The following AIMP1 variants were observed in gnomAD, a reference collection of about 807,000 sequenced individuals.
The protein encoded by AIMP1 is aminoacyl tRNA synthetase complex interacting multifunctional protein 1, also known as aminoacyl tRNA synthase complex-interacting multifunctional protein 1.
AIMP1 carries 24 observed loss-of-function variants against 33.1 expected under a neutral mutation model. The observed-to-expected ratio is 0.73, with a 90% CI of 0.53 to 1.02. The LOEUF (loss-of-function observed/expected upper bound fraction) is 1.02, where lower values mean the gene tolerates loss of function less well. AIMP1 is among the 50% of genes least tolerant of loss of function. The probability of loss-of-function intolerance (pLI) is 0.00; values close to 1 mark genes in which losing one functional copy is unlikely to be tolerated. For missense variants in AIMP1, 367 were observed against 364.8 expected (o/e 1.01, Z -0.05); for synonymous variants, 120 against 121.5 (o/e 0.99, Z 0.08).
At chr4:106,340,072 T>C (rs1450134577) in intron 6 of AIMP1, among the ~76,000 whole-genome samples, 2 of 152,078 alleles carry the variant, frequency 1.3e-5, no homozygotes, top group Non-Finnish European at 2.9e-5. Flanking sequence ...AAGGACCTGA[T>C]AAAAAGAAAA....
chr4:106,337,478 G>A (rs1769930057), intron 6 of AIMP1, among the ~76,000 whole-genome samples: 1 of 152,164 alleles, frequency 6.6e-6, no homozygotes, highest in South Asian at 2.1e-4. Context: ...TACTATATAA[G>A]ACATGCCTTT....
At position 106,328,175 on chromosome 4, in the gene AIMP1, G is replaced by A; in HGVS notation, c.323G>A (p.Gly108Asp). ...QSTAVTTVSS[G>D]TKEQIKGGTG... ...ACAGCAGTAACAACCGTATCTTCTG[G>A]TACCAAAGAACAGATAAAAGGAGGA... The change falls in exon 4 of 7, where the codon GGT (glycine) becomes GAT (aspartate). Residue 108 changes from glycine (G) to aspartate (D), a missense_variant. Physicochemically the swap from Gly to Asp is moderately conservative, Grantham distance 94 (BLOSUM62 -1). Transcript: ENST00000672341. The A allele has an allele frequency of 2.5e-6, 4 of 1,613,094 alleles. No individual in the cohort carries two copies. Among genetic ancestry groups the A allele is most frequent in the Non-Finnish European group, 3.4e-6 (4 of 1,179,478 alleles).
chr4:106,329,012 A>G (rs533588890), intron 4 of AIMP1, among the ~76,000 whole-genome samples: 2 of 151,688 alleles, frequency 1.3e-5, no homozygotes, highest in African/African-American at 4.8e-5. Context: ...AATAATTATG[A>G]ATATTTCTCA....
intron 1 of AIMP1, among the ~76,000 whole-genome samples, chr4:106,320,669 A>T (rs1413631039): frequency 1.3e-5 from 2 of 152,098 alleles, no homozygotes; most frequent in East Asian, 3.9e-4. Flanking sequence ...TAAAAAAAAA[A>T]GGAGCCCTGA....
At chr4:106,333,155 T>A (rs1349261497) in intron 5 of AIMP1, among the ~76,000 whole-genome samples, 3 of 152,164 alleles carry the variant, frequency 2.0e-5, no homozygotes, top group African/African-American at 7.2e-5. Context: ...CTTGTGATTA[T>A]TTGGTATTTA....
intron 1 of AIMP1, chr4:106,321,311 G>C (rs1769220212): frequency 6.3e-6 from 1 of 158,298 alleles, no homozygotes; most frequent in Non-Finnish European, 1.4e-5. Flanking sequence ...GAGCGTCTCT[G>C]CCCAGCCGCC....
intron 5 of AIMP1, among the ~76,000 whole-genome samples, chr4:106,336,030 CTTTTTTTTTTTTTTT>C (rs34219049): frequency 1.5e-4 from 9 of 59,390 alleles, no homozygotes; most frequent in African/African-American, 2.8e-4. Context: ...GTTAAATGAT[CTTTTTTTTTTTTTTT>C]TTTTTTTTTT....
chr4:106,333,057 T>C (rs1769742398), intron 5 of AIMP1, among the ~76,000 whole-genome samples: 1 of 148,698 alleles, frequency 6.7e-6, no homozygotes, highest in African/African-American at 2.5e-5. Flanking sequence ...CAGAAATTGG[T>C]TAACACTTAG....
At chr4:106,343,205 G>T (rs1202321092) in intron 6 of AIMP1, among the ~76,000 whole-genome samples, 1 of 152,112 alleles carries the variant, frequency 6.6e-6, no homozygotes, top group African/African-American at 2.4e-5. Flanking sequence ...TCTAATTTGT[G>T]TGCAAAGAGA....
intron 4 of AIMP1, among the ~76,000 whole-genome samples, chr4:106,329,649 C>T (rs1038264950): frequency 2.0e-5 from 3 of 151,862 alleles, no homozygotes; most frequent in African/African-American, 7.3e-5. Flanking sequence ...TGGCAGCTAC[C>T]ATATTAGACA....
chr4:106,320,276 A>C (rs1263246813), intron 1 of AIMP1, among the ~76,000 whole-genome samples: 1 of 152,240 alleles, frequency 6.6e-6, no homozygotes, highest in Non-Finnish European at 1.5e-5. Flanking sequence ...TTGTTAAACT[A>C]TCACTGTGCC....
chr4:106,347,962 T>G lies in AIMP1; in HGVS notation c.*270T>G, dbSNP rs1400165947. ...GCAGGAATATTGATTAGCAGCTTTTTTTTCTTTATACACATAGATAACTAA... is the reference window on the plus strand; with the variant it reads ...GCAGGAATATTGATTAGCAGCTTTTGTTTCTTTATACACATAGATAACTAA... On this transcript the variant is annotated 3_prime_UTR_variant, in exon 7 of 7. Transcript: ENST00000672341. 5 of 288,324 alleles carry G rather than the reference T, an allele frequency of 1.7e-5. No homozygotes were observed. Among genetic ancestry groups the G allele is most frequent in the Non-Finnish European group, 3.3e-5 (5 of 151,888 alleles). The allele number at this position is 288,324 out of a possible 1,614,324, so 17.9% of individuals were successfully genotyped here. A position where few individuals can be genotyped will look rare whatever the true frequency, so the allele number is the denominator to read the frequency against.
intron 6 of AIMP1, among the ~76,000 whole-genome samples, chr4:106,343,441 A>G (rs73839438): frequency 0.018 from 2,761 of 152,304 alleles, 76 homozygotes; most frequent in African/African-American, 0.061. Context: ...AAAGCATGGA[A>G]TAATTTCCTT....
chr4:106,338,287 T>A (rs2125926749), intron 6 of AIMP1, among the ~76,000 whole-genome samples: 1 of 152,184 alleles, frequency 6.6e-6, no homozygotes, highest in Non-Finnish European at 1.5e-5. Flanking sequence ...ATGGGGAAAA[T>A]GTCTCCAGGG....
At chr4:106,330,321 T>C (rs1438442200) in intron 4 of AIMP1, among the ~76,000 whole-genome samples, 1 of 152,224 alleles carries the variant, frequency 6.6e-6, no homozygotes, top group East Asian at 1.9e-4. Flanking sequence ...ATATACTTTA[T>C]CACACAAAAA....
chr4:106,338,852 G>A (rs932491428), intron 6 of AIMP1, among the ~76,000 whole-genome samples: 1 of 152,212 alleles, frequency 6.6e-6, no homozygotes, highest in African/African-American at 2.4e-5. Flanking sequence ...TGGTGGCTGT[G>A]CCCTACAAAG....
intron 2 of AIMP1, among the ~76,000 whole-genome samples, 162 bp from the exon 3 acceptor site, chr4:106,327,289 T>C (rs905530110): frequency 1.1e-4 from 16 of 152,222 alleles, no homozygotes; most frequent in African/African-American, 3.9e-4. Flanking sequence ...AGCATGTTGT[T>C]TTAATAAATA....
chr4:106,349,239 T>A lies in AIMP1; in HGVS notation c.*1547T>A, dbSNP rs1329568781. 1.3e-5 allele frequency: 2 copies of A among 151,880 alleles called. No homozygotes were observed. Among genetic ancestry groups the A allele is most frequent in the Non-Finnish European group, 2.9e-5 (2 of 67,956 alleles). 9.4% of individuals were successfully genotyped at this position (151,880 alleles called of 1,614,324 possible). On this transcript the variant is annotated 3_prime_UTR_variant, in exon 7 of 7. Coordinates refer to ENST00000672341, the MANE Select transcript of AIMP1 (RefSeq NM_001142416.2). ...TCTGGTGACAAAGTCTTTTGTGAGT[T>A]TTTTGCTCTAATTTTTCTCAATTAT...
At position 106,327,500 on chromosome 4, in the gene AIMP1, TA is replaced by T. The variant is rs750731609; in HGVS notation, c.162del (p.Lys54AsnfsTer2). 74 of 1,613,064 alleles carry T rather than the reference TA, an allele frequency of 4.6e-5. No individual in the cohort carries two copies. The highest frequency in any genetic ancestry group is 8.3e-5 in the Admixed American group (5 of 59,972). ...AGAAGAAACTTCGAGTTGAAAATGCTAAACTGAAGAAAGAAATTGAAGAACT... is the reference window on the plus strand; with the variant it reads ...AGAAGAAACTTCGAGTTGAAAATGCTAACTGAAGAAAGAAATTGAAGAACT... ...EEKKLRVENA[K>X]LKKEIEELKQ... On this transcript the variant is annotated frameshift_variant, in exon 3 of 7. Coordinates refer to ENST00000672341, the MANE Select transcript of AIMP1 (RefSeq NM_001142416.2). LOFTEE classifies it high-confidence loss of function.
Sources: gnomAD v4.1 joint callset for allele counts (sites outside exome capture counted in the v4.1 genomes callset) on GRCh38, gnomAD v4.1.1 for gene constraint, MANE v1.5 for transcripts, NCBI Gene and HGNC (gene_info 2026-07-23, HGNC 2026-07-21) for gene names.